Variants in ERBB2 observed in about 807,000 individuals in gnomAD.
The protein encoded by ERBB2 is erb-b2 receptor tyrosine kinase 2.
ERBB2 carries 61 observed loss-of-function variants against 149.0 expected under a neutral mutation model. The ratio of observed to expected loss-of-function variants is 0.41; its 90% confidence interval spans 0.33 to 0.51. ERBB2 has a LOEUF of 0.51. ERBB2 is among the 20% of genes least tolerant of loss of function. The probability of loss-of-function intolerance (pLI) is 0.25; values close to 1 mark genes in which losing one functional copy is unlikely to be tolerated. For synonymous variants in ERBB2, 633 were observed against 678.8 expected (o/e 0.93, Z 1.05); for missense variants, 1,205 against 1,655.1 (o/e 0.73, Z 4.72).
Position 39,723,252 on chromosome 17 carries a change from G to A in ERBB2, c.1947-67G>A, listed in dbSNP as rs2059546181. The A allele has an allele frequency of 1.3e-5, 20 of 1,517,408 alleles. No individual in the cohort carries two copies. The highest frequency in any genetic ancestry group is 1.1e-4 in the East Asian group (5 of 44,134). The allele number at this position is 1,517,408 out of a possible 1,614,324, so 94.0% of individuals were successfully genotyped here. A position where few individuals can be genotyped will look rare whatever the true frequency, so the allele number is the denominator to read the frequency against. On this transcript the variant is annotated intron_variant, in intron 16 of 26. Transcript: ENST00000269571. The surrounding 1 kb of genome is among the most constrained non-coding windows in gnomAD (Gnocchi z 6.2). ...AATGCCAAACACCTTCATGTCCCCCGTGGGCCCCCTTTGTCCCTCCCACCC... is the reference window on the plus strand; with the variant it reads ...AATGCCAAACACCTTCATGTCCCCCATGGGCCCCCTTTGTCCCTCCCACCC...
rs1326856038 is a variant in ERBB2 at position 39,708,401 on chromosome 17, GC to G, written c.307del (p.Arg103GlufsTer15). 6.2e-7 allele frequency: 1 copy of G among 1,614,112 alleles called. No homozygotes were observed. The highest frequency in any genetic ancestry group is 1.3e-5 in the African/African-American group (1 of 74,944). On this transcript the variant is annotated frameshift_variant, in exon 3 of 27. Transcript: ENST00000269571. LOFTEE classifies it high-confidence loss of function. ...TCCCACTGCAGAGGCTGCGGATTGT[GC>G]GAGGCACCCAGCTCTTTGAGGACAA... Reference protein sequence around the residue: ...QVPLQRLRIVRGTQLFEDNYA... With the variant: ...QVPLQRLRIVXGTQLFEDNYA...
intron 14 of ERBB2, 151 bp downstream of exon 14, chr17:39,716,756 T>G (rs971559262): frequency 9.6e-6 from 7 of 728,100 alleles, no homozygotes; most frequent in Middle Eastern, 3.7e-4. Context: ...AGCAACAGAG[T>G]GGCAGAAAAG....
rs2145818154 is a variant in ERBB2, at chr17:39,723,685, C to T, written c.2208+25C>T. 1 of 1,591,828 alleles carries T rather than the reference C, an allele frequency of 6.3e-7. No homozygotes were observed. Among genetic ancestry groups the T allele is most frequent in the Non-Finnish European group, 8.6e-7 (1 of 1,169,196 alleles). On this transcript the variant is annotated intron_variant, in intron 18 of 26. Transcript: ENST00000269571. This position sits in a 1 kb window ranked among gnomAD's most constrained non-coding sequence, Gnocchi z 6.2. The stretch of plus-strand genomic sequence containing the variant: ...GGTCAGGGCCAGGTCCTGGGGTGGG[C>T]GGCCCCAGAGGATGGGGGCGGTGCC...
chr17:39,708,133 T>C, intron 2 of ERBB2, 188 bp from the exon 3 acceptor site: 1 of 544,102 alleles, frequency 1.8e-6, no homozygotes, highest in Non-Finnish European at 3.3e-6. Flanking sequence ...TTCTTGATCA[T>C]ATAAGAATCT....
upstream of ERBB2, chr17:39,699,907 A>G (rs770472300): frequency 2.3e-6 from 2 of 859,384 alleles, no homozygotes; most frequent in Non-Finnish European, 3.1e-6. Context: ...GAAGAGAGGG[A>G]GAAAGTGAAG....
rs759738353 is a variant in ERBB2 at position 39,726,558 on chromosome 17, C to T, written c.2873-4C>T. ...CTAGCATGCTGACCTCCCTCCTGCC[C>T]CAGGTTGGATGATTGACTCTGAATG... On this transcript the variant is annotated splice_polypyrimidine_tract_variant and splice_region_variant and intron_variant, in intron 23 of 26. Transcript: ENST00000269571. This position sits in a 1 kb window ranked among gnomAD's most constrained non-coding sequence, Gnocchi z 5.1. The T allele has an allele frequency of 1.1e-5, 17 of 1,613,756 alleles. No homozygotes were observed. The South Asian group carries it at 1.8e-4, about 17-fold the overall frequency.
At position 39,728,181 on chromosome 17, in the gene ERBB2, G is replaced by GGAACCTTCCT; in HGVS notation, c.*138_*147dup. 1.6e-6 allele frequency: 1 copy of GGAACCTTCCT among 623,022 alleles called. No individual in the cohort carries two copies. Among genetic ancestry groups the GGAACCTTCCT allele is most frequent in the Non-Finnish European group, 2.7e-6 (1 of 365,814 alleles). 38.6% of individuals were successfully genotyped at this position (623,022 alleles called of 1,614,324 possible). A position where few individuals can be genotyped will look rare whatever the true frequency, so the allele number is the denominator to read the frequency against. On this transcript the variant is annotated 3_prime_UTR_variant, in exon 27 of 27. Transcript: ENST00000269571. ...CTGCCATGCCAGGAACCTGTCCTAA[G>GGAACCTTCCT]GAACCTTCCTTCCTGCTTGAGTTCC... is the stretch of plus-strand genomic sequence containing the variant.
Position 39,723,682 on chromosome 17 carries a change from G to C in ERBB2, c.2208+22G>C. ...CAAGGTCAGGGCCAGGTCCTGGGGT[G>C]GGCGGCCCCAGAGGATGGGGGCGGT... On this transcript the variant is annotated intron_variant, in intron 18 of 26. Transcript: ENST00000269571. The surrounding 1 kb of genome is among the most constrained non-coding windows in gnomAD (Gnocchi z 6.2). 6.3e-7 allele frequency: 1 copy of C among 1,593,756 alleles called. No homozygotes were observed. Among genetic ancestry groups the C allele is most frequent in the Middle Eastern group, 1.8e-4 (1 of 5,490 alleles).
chr17:39,728,073 G>C lies in ERBB2; in HGVS notation c.*29G>C, dbSNP rs1567917750. On this transcript the variant is annotated 3_prime_UTR_variant, in exon 27 of 27. Coordinates refer to ENST00000269571, the MANE Select transcript of ERBB2 (RefSeq NM_004448.4). ...AGAAGGCCAAGTCCGCAGAAGCCCT[G>C]ATGTGTCCTCAGGGAGCAGGGAAGG... is the stretch of plus-strand genomic sequence containing the variant. The C allele has an allele frequency of 6.7e-7, 1 of 1,496,218 alleles. No individual in the cohort carries two copies. Among genetic ancestry groups the C allele is most frequent in the Non-Finnish European group, 9.1e-7 (1 of 1,104,444 alleles). 92.7% of individuals were successfully genotyped at this position (1,496,218 alleles called of 1,614,324 possible). A position where few individuals can be genotyped will look rare whatever the true frequency, so the allele number is the denominator to read the frequency against.
rs2145818078 is a variant in ERBB2, at chr17:39,723,684, G to A, written c.2208+24G>A. On this transcript the variant is annotated intron_variant, in intron 18 of 26. Transcript: ENST00000269571. The surrounding 1 kb of genome is among the most constrained non-coding windows in gnomAD (Gnocchi z 6.2). ...AGGTCAGGGCCAGGTCCTGGGGTGGGCGGCCCCAGAGGATGGGGGCGGTGC... is the reference window on the plus strand; with the variant it reads ...AGGTCAGGGCCAGGTCCTGGGGTGGACGGCCCCAGAGGATGGGGGCGGTGC... 6.3e-7 allele frequency: 1 copy of A among 1,592,926 alleles called. No individual in the cohort carries two copies. Among genetic ancestry groups the A allele is most frequent in the Non-Finnish European group, 8.5e-7 (1 of 1,169,800 alleles).
intron 16 of ERBB2, among the ~76,000 whole-genome samples, chr17:39,721,262 T>C (rs1012497379): frequency 4.3e-5 from 1 of 23,034 alleles, no homozygotes; most frequent in African/African-American, 1.4e-4. Context: ...GAGCCAAGTC[T>C]TTTTTTTTTT....
Position 39,726,569 on chromosome 17 carries a change from G to A in ERBB2, c.2880G>A (p.Met960Ile), listed in dbSNP as rs2143131755. The change falls in exon 24 of 27, where the codon ATG (methionine) becomes ATA (isoleucine). Residue 960 changes from methionine to isoleucine, a missense_variant. By Grantham distance (10) the Met-to-Ile change is conservative. This residue lies in a region of ERBB2 where 63 missense variants were observed against 74.2 expected (regional missense o/e 0.85). Coordinates refer to ENST00000269571, the MANE Select transcript of ERBB2 (RefSeq NM_004448.4). This position sits in a 1 kb window ranked among gnomAD's most constrained non-coding sequence, Gnocchi z 5.1. ...ACCTCCCTCCTGCCCCAGGTTGGAT[G>A]ATTGACTCTGAATGTCGGCCAAGAT... The part of the protein sequence containing the change: ...DVYMIMVKCW[M>I]IDSECRPRFR... 1.2e-6 allele frequency: 2 copies of A among 1,614,090 alleles called. No homozygotes were observed. Among genetic ancestry groups the A allele is most frequent in the Non-Finnish European group, 1.7e-6 (2 of 1,179,954 alleles).
At chr17:39,695,139 G>C (rs1295474098), upstream of ERBB2, 1 of 152,574 alleles carries the variant, frequency 6.6e-6, no homozygotes, top group African/African-American at 2.4e-5. Context: ...CGCAGGCAGT[G>C]ATGAGAGTGA....
chr17:39,720,558 A>C (rs992229204), intron 16 of ERBB2, among the ~76,000 whole-genome samples: 6 of 152,230 alleles, frequency 3.9e-5, no homozygotes, highest in African/African-American at 1.4e-4. Context: ...GGTATGTACC[A>C]GACCCTGTGC....
chr17:39,688,543 A>G (rs1233354202), intron 1 of ERBB2, among the ~76,000 whole-genome samples: 2 of 152,142 alleles, frequency 1.3e-5, no homozygotes, highest in African/African-American at 2.4e-5. Context: ...TACCTTGGGT[A>G]AAATACAGTC....
Position 39,725,067 on chromosome 17 carries a change from G to A in ERBB2, c.2512G>A (p.Asp838Asn), listed in dbSNP as rs2145862722. The part of the protein sequence containing the change: ...QIAKGMSYLE[D>N]VRLVHRDLAA... Reference sequence around the variant, plus strand: ...ATTCCAGGGGATGAGCTACCTGGAGGATGTGCGGCTCGTACACAGGGACTT... The same window carrying A: ...ATTCCAGGGGATGAGCTACCTGGAGAATGTGCGGCTCGTACACAGGGACTT... The change falls in exon 21 of 27, where the codon GAT becomes AAT. Residue 838 changes from aspartate (D) to asparagine (N), a missense_variant. By Grantham distance (23) the Asp-to-Asn change is conservative (BLOSUM62 1). Transcript: ENST00000269571. This position sits in a 1 kb window ranked among gnomAD's most constrained non-coding sequence, Gnocchi z 4.6. The A allele has an allele frequency of 6.2e-7, 1 of 1,614,204 alleles. No individual in the cohort carries two copies.
rs2058829707 is a variant in ERBB2 at position 39,712,051 on chromosome 17, C to A, written c.1021+4C>A. The A allele has an allele frequency of 6.2e-7, 1 of 1,613,768 alleles. No individual in the cohort carries two copies. Among genetic ancestry groups the A allele is most frequent in the Non-Finnish European group, 8.5e-7 (1 of 1,179,972 alleles). The stretch of plus-strand genomic sequence containing the variant: ...TGCAGCAAGCCCTGTGCCCGAGGTA[C>A]CCACTCACTGCCCCCGAGGCCAGCT... On this transcript the variant is annotated splice_donor_region_variant and intron_variant, in intron 8 of 26. Transcript: ENST00000269571.
In ERBB2 at chr17:39,715,465, A is replaced by C. The variant is rs373728539; in HGVS notation, c.1242A>C (p.Ala414=). Residue 414 remains alanine (A), a synonymous_variant, in exon 11 of 27, where the codon GCA becomes GCC. Transcript: ENST00000269571. ...EEITGYLYIS[A]WPDSLPDLSV... ...CTGCAGGTTACCTATACATCTCAGC[A>C]TGGCCGGACAGCCTGCCTGACCTCA... 9 of 1,614,198 alleles carry C rather than the reference A, an allele frequency of 5.6e-6. No individual in the cohort carries two copies. Among genetic ancestry groups the C allele is most frequent in the Non-Finnish European group, 7.6e-6 (9 of 1,180,042 alleles).
chr17:39,709,433 C>T lies in ERBB2; in HGVS notation c.555C>T (p.Asp185=), dbSNP rs1051167195. 6.2e-7 allele frequency: 1 copy of T among 1,614,136 alleles called. No homozygotes were observed. Among genetic ancestry groups the T allele is most frequent in the Non-Finnish European group, 8.5e-7 (1 of 1,180,014 alleles). Reference sequence around the variant, plus strand: ...ACCAGCTGGCTCTCACACTGATAGACACCAACCGCTCTCGGGCCTGTAAGC... The same window carrying T: ...ACCAGCTGGCTCTCACACTGATAGATACCAACCGCTCTCGGGCCTGTAAGC... ...KNNQLALTLI[D]TNRSRACHPC... The change falls in exon 4 of 27, where the codon GAC becomes GAT. Residue 185 remains aspartate, a synonymous_variant. Coordinates refer to ENST00000269571, the MANE Select transcript of ERBB2 (RefSeq NM_004448.4).
Sources: gnomAD v4.1 joint callset for allele counts (sites outside exome capture counted in the v4.1 genomes callset) on GRCh38, gnomAD v4.1.1 for gene constraint, gnomAD v4.1.1 regional missense constraint, Gnocchi (gnomAD v3.1) non-coding constraint, MANE v1.5 for transcripts, NCBI Gene and HGNC (gene_info 2026-07-23, HGNC 2026-07-21) for gene names.